The following LPP variants were observed in gnomAD, a reference collection of about 807,000 sequenced individuals.
The protein encoded by LPP is lipoma-preferred partner.
LPP carries 38 observed loss-of-function variants against 60.4 expected under a neutral mutation model. That is an observed-to-expected ratio of 0.63 (90% confidence interval 0.49 to 0.83). The LOEUF is 0.83. LPP is among the 40% of genes least tolerant of loss of function. The pLI is 0.00. For synonymous variants in LPP, 328 were observed against 290.8 expected (o/e 1.13, Z -1.30); for missense variants, 902 against 783.6 (o/e 1.15, Z -1.80).
chr3:188,457,822 T>A (rs1798096066), intron 4 of LPP, among the ~76,000 whole-genome samples: 1 of 151,334 alleles, frequency 6.6e-6, no homozygotes, highest in Non-Finnish European at 1.5e-5. Context: ...GGCAGGAGAA[T>A]CGCTTGAACC....
intron 2 of LPP, among the ~76,000 whole-genome samples, chr3:188,290,206 C>T (rs1272616794): frequency 6.6e-6 from 1 of 152,142 alleles, no homozygotes; most frequent in Non-Finnish European, 1.5e-5. Flanking sequence ...GATCTCCTGA[C>T]TTCAAGTGGT....
At chr3:188,872,815 G>A (rs766472556) in intron 11 of LPP, 52 bp downstream of exon 11, 48 of 1,610,302 alleles carry the variant, frequency 3.0e-5, no homozygotes, top group East Asian at 1.1e-4. Flanking sequence ...TGAAAGGCTC[G>A]TTCGAGCTAG....
At chr3:188,238,906 T>G (rs2149425177) in intron 2 of LPP, among the ~76,000 whole-genome samples, 1 of 152,304 alleles carries the variant, frequency 6.6e-6, no homozygotes, top group Non-Finnish European at 1.5e-5. Context: ...AAACACAGTA[T>G]TTGCCAACTA....
intron 8 of LPP, among the ~76,000 whole-genome samples, chr3:188,731,528 T>TTTGTTTTGTTTTG (rs1425886750): frequency 6.6e-6 from 1 of 151,756 alleles, no homozygotes; most frequent in African/African-American, 2.4e-5. Flanking sequence ...TTTGTTTTGT[T>TTTGTTTTGTTTTG]TTGTTTTGTT....
At chr3:188,808,308 G>C (rs1388447456) in intron 9 of LPP, among the ~76,000 whole-genome samples, 3 of 152,060 alleles carry the variant, frequency 2.0e-5, no homozygotes, top group African/African-American at 7.2e-5. Flanking sequence ...GGTTGAACTT[G>C]ATTGCTGTTA....
intron 2 of LPP, among the ~76,000 whole-genome samples, chr3:188,331,092 T>C (rs1207611886): frequency 6.6e-6 from 1 of 152,170 alleles, no homozygotes; most frequent in African/African-American, 2.4e-5. Flanking sequence ...CCCTTCAAAA[T>C]GCCTGTTTTC....
At position 188,173,494 on chromosome 3, in the gene LPP, T is replaced by A. The variant is rs183833953; in HGVS notation, c.-190+19242T>A. On this transcript the variant is annotated intron_variant, in intron 1 of 11. Coordinates refer to ENST00000617246, the MANE Select transcript of LPP (RefSeq NM_001375462.1). The stretch of plus-strand genomic sequence containing the variant: ...ACTCCAGCCTGGGCAACAGAGTGAC[T>A]CCGTCTCAAAAAAAACAAAAACAAA... Among the ~76,000 whole-genome samples the A allele has an allele frequency of 1.8e-3, 259 of 147,952 alleles. 2 individuals carry two copies. The highest frequency in any genetic ancestry group is 6.2e-3 in the African/African-American group (249 of 40,314).
At chr3:188,783,563 G>A (rs1276717057) in intron 9 of LPP, among the ~76,000 whole-genome samples, 1 of 22,118 alleles carries the variant, frequency 4.5e-5, no homozygotes, top group Non-Finnish European at 8.1e-5. Context: ...TGAGGGTGGA[G>A]GGGGAGAGGA....
chr3:188,552,703 A>G (rs983690935), intron 6 of LPP, among the ~76,000 whole-genome samples: 2 of 152,074 alleles, frequency 1.3e-5, no homozygotes, highest in Non-Finnish European at 2.9e-5. Flanking sequence ...CCACTCTTTC[A>G]TAGTCATGTC....
chr3:188,593,164 G>GTGTA (rs1839275621), intron 6 of LPP, among the ~76,000 whole-genome samples: 1 of 151,658 alleles, frequency 6.6e-6, no homozygotes. Context: ...GTGTGTGTGT[G>GTGTA]TGTGTGTGTG....
chr3:188,268,821 C>T (rs1188580869), intron 2 of LPP, among the ~76,000 whole-genome samples: 1 of 152,196 alleles, frequency 6.6e-6, no homozygotes, highest in Admixed American at 6.5e-5. Context: ...CAGGTACTAC[C>T]TATTAACCGC....
At chr3:188,844,663 C>T (rs1230872935) in intron 9 of LPP, among the ~76,000 whole-genome samples, 1 of 152,110 alleles carries the variant, frequency 6.6e-6, no homozygotes, top group African/African-American at 2.4e-5. Flanking sequence ...AAGTATCTAC[C>T]ATTTTTATTG....
chr3:188,197,195 T>C (rs918272830), intron 1 of LPP, among the ~76,000 whole-genome samples: 1 of 152,118 alleles, frequency 6.6e-6, no homozygotes, highest in African/African-American at 2.4e-5. Context: ...ACATTTAAGA[T>C]TGGCCTTCAA....
chr3:188,423,530 C>T (rs940807389), intron 4 of LPP, among the ~76,000 whole-genome samples: 3 of 152,180 alleles, frequency 2.0e-5, no homozygotes, highest in East Asian at 1.9e-4. Flanking sequence ...CACTCTCGTC[C>T]ACAATGGTTG....
At chr3:188,216,372 G>T (rs1398603793) in intron 1 of LPP, among the ~76,000 whole-genome samples, 7 of 150,454 alleles carry the variant, frequency 4.7e-5, no homozygotes, top group Admixed American at 3.3e-4. Flanking sequence ...ATGGGTTCAA[G>T]CCATTCTCCT....
chr3:188,399,829 G>A (rs1323534446), intron 3 of LPP, among the ~76,000 whole-genome samples: 1 of 152,178 alleles, frequency 6.6e-6, no homozygotes, highest in East Asian at 1.9e-4. Context: ...CTTTTTAGAA[G>A]AGTAGCATAT....
chr3:188,310,254 A>C (rs560095832), intron 2 of LPP, among the ~76,000 whole-genome samples: 22 of 149,102 alleles, frequency 1.5e-4, no homozygotes, highest in African/African-American at 5.5e-4. Flanking sequence ...AAGACTGACG[A>C]AGTTGGCCTT....
chr3:188,316,977 T>G (rs540373158), intron 2 of LPP, among the ~76,000 whole-genome samples: 1 of 152,176 alleles, frequency 6.6e-6, no homozygotes, highest in Admixed American at 6.5e-5. Context: ...CACAGACTTG[T>G]GTATTTGCTG....
chr3:188,290,266 A>G (rs909732083), intron 2 of LPP, among the ~76,000 whole-genome samples: 3 of 152,156 alleles, frequency 2.0e-5, no homozygotes, highest in African/African-American at 7.2e-5. Flanking sequence ...GTGAGCCACC[A>G]TGCCCGGTTC....
Sources: gnomAD v4.1 joint callset for allele counts (sites outside exome capture counted in the v4.1 genomes callset) on GRCh38, gnomAD v4.1.1 for gene constraint, MANE v1.5 for transcripts, NCBI Gene and HGNC (gene_info 2026-07-23, HGNC 2026-07-21) for gene names.